PPFIA2: variants seen among roughly 807,000 people sequenced by gnomAD.
PPFIA2 encodes liprin-alpha-2.
Under a neutral mutation model 175.5 loss-of-function variants are expected in PPFIA2, and 46 were observed. The observed-to-expected ratio is 0.26, with a 90% CI of 0.21 to 0.34. The LOEUF (loss-of-function observed/expected upper bound fraction) is 0.34. Among genes scored for constraint, PPFIA2 ranks in the 10% least tolerant of loss-of-function variants. The pLI is 1.00. For missense variants in PPFIA2, 1,179 were observed against 1,506.1 expected (o/e 0.78, Z 3.60); for synonymous variants, 568 against 511.4 (o/e 1.11, Z -1.49).
At chr12:81,528,555 G>T (rs1254080964) in intron 4 of PPFIA2, among the ~76,000 whole-genome samples, 1 of 151,984 alleles carries the variant, frequency 6.6e-6, no homozygotes, top group Non-Finnish European at 1.5e-5. Flanking sequence ...GAGTACATGT[G>T]TTCATCCCTA....
chr12:81,657,545 C>G lies in PPFIA2; in HGVS notation c.303+19246G>C, dbSNP rs1000872893. Among the ~76,000 whole-genome samples, 5 of 152,212 alleles carry G rather than the reference C, an allele frequency of 3.3e-5. No individual in the cohort carries two copies. The South Asian group carries it at 6.2e-4, about 19-fold the overall frequency. On this transcript the variant is annotated intron_variant, in intron 4 of 32. Coordinates refer to ENST00000549396, the MANE Select transcript of PPFIA2 (RefSeq NM_003625.5). ...CAACCCTAATCTAACTGAGATTGAA[C>G]AGGCTATTAGGCTACACAGTCACAG...
chr12:81,635,119 G>C (rs1256496905), intron 4 of PPFIA2, among the ~76,000 whole-genome samples: 3 of 152,120 alleles, frequency 2.0e-5, no homozygotes, highest in Admixed American at 2.0e-4. Context: ...ATTTCAAATG[G>C]AAAATCTATT....
chr12:81,694,966 G>A (rs2075724654), intron 3 of PPFIA2, among the ~76,000 whole-genome samples: 1 of 152,300 alleles, frequency 6.6e-6, no homozygotes, highest in African/African-American at 2.4e-5. Flanking sequence ...ATAATTGCAT[G>A]AGGTCTACAG....
intron 3 of PPFIA2, among the ~76,000 whole-genome samples, chr12:81,683,729 C>T (rs879665785): frequency 2.0e-5 from 3 of 151,992 alleles, no homozygotes; most frequent in Admixed American, 2.0e-4. Flanking sequence ...TAGATGTCCT[C>T]ATCCATTTTG....
chr12:81,424,852 A>T (rs924932571), intron 7 of PPFIA2: 1 of 152,186 alleles, frequency 6.6e-6, no homozygotes, highest in African/African-American at 2.4e-5. Context: ...CCCTCAGCCC[A>T]CTTGTTCTGG....
At chr12:81,610,606 A>T (rs1251691352) in intron 4 of PPFIA2, among the ~76,000 whole-genome samples, 5 of 152,104 alleles carry the variant, frequency 3.3e-5, no homozygotes, top group Non-Finnish European at 7.4e-5. Flanking sequence ...TAAAATGGCT[A>T]TTTCATATTT....
At chr12:81,410,238 A>G (rs1462042453) in intron 7 of PPFIA2, among the ~76,000 whole-genome samples, 4 of 152,156 alleles carry the variant, frequency 2.6e-5, no homozygotes, top group Non-Finnish European at 1.5e-5. Flanking sequence ...TTGTCACAGC[A>G]GCACAAATGG....
At chr12:81,680,514 T>C (rs938872819) in intron 3 of PPFIA2, among the ~76,000 whole-genome samples, 2 of 151,960 alleles carry the variant, frequency 1.3e-5, no homozygotes, top group African/African-American at 2.4e-5. Context: ...CATATCTATG[T>C]TGGCGATGCA....
At chr12:81,357,193 T>A (rs1458383334) in intron 16 of PPFIA2, among the ~76,000 whole-genome samples, 3 of 152,196 alleles carry the variant, frequency 2.0e-5, no homozygotes, top group African/African-American at 7.2e-5. Flanking sequence ...AATTAATTTG[T>A]CACATAATAA....
intron 4 of PPFIA2, among the ~76,000 whole-genome samples, chr12:81,485,294 G>T (rs902322435): frequency 1.3e-5 from 2 of 151,160 alleles, no homozygotes; most frequent in African/African-American, 4.8e-5. Context: ...TTTTTGTACA[G>T]GTTATGTTTT....
chr12:81,602,235 G>T (rs1418322994), intron 4 of PPFIA2, among the ~76,000 whole-genome samples: 3 of 149,380 alleles, frequency 2.0e-5, no homozygotes, highest in East Asian at 3.9e-4. Context: ...ATATTAAAAT[G>T]CTGATAAACA....
intron 24 of PPFIA2, among the ~76,000 whole-genome samples, chr12:81,289,652 A>C (rs932230183): frequency 6.6e-6 from 1 of 151,862 alleles, no homozygotes; most frequent in Admixed American, 6.6e-5. Context: ...TCACTTTAAA[A>C]AGAAACACCA....
At chr12:81,500,666 G>T (rs1473655671) in intron 4 of PPFIA2, among the ~76,000 whole-genome samples, 1 of 152,100 alleles carries the variant, frequency 6.6e-6, no homozygotes. Flanking sequence ...TCAGATTTTT[G>T]TGTTATTTGG....
chr12:81,495,778 G>A (rs926365328), intron 4 of PPFIA2, among the ~76,000 whole-genome samples: 1 of 152,178 alleles, frequency 6.6e-6, no homozygotes, highest in African/African-American at 2.4e-5. Flanking sequence ...TTGTGCCACT[G>A]CACTTTAGCC....
At chr12:81,396,213 A>C (rs2041109018) in intron 8 of PPFIA2, among the ~76,000 whole-genome samples, 2 of 152,104 alleles carry the variant, frequency 1.3e-5, no homozygotes, top group African/African-American at 2.4e-5. Flanking sequence ...TTAAGTGTTC[A>C]TCATGTTCTA....
chr12:81,589,729 G>A (rs1013618872), intron 4 of PPFIA2, among the ~76,000 whole-genome samples: 3 of 152,032 alleles, frequency 2.0e-5, no homozygotes, highest in African/African-American at 7.2e-5. Context: ...CCCTCTTTGC[G>A]TTATTAAATG....
intron 3 of PPFIA2, among the ~76,000 whole-genome samples, chr12:81,700,878 T>C (rs1157874132): frequency 1.3e-5 from 2 of 152,108 alleles, no homozygotes; most frequent in Non-Finnish European, 2.9e-5. Context: ...TAAACTTTAC[T>C]AAGAATGCTC....
intron 3 of PPFIA2, among the ~76,000 whole-genome samples, chr12:81,693,982 A>G (rs2153591882): frequency 6.6e-6 from 1 of 152,196 alleles, no homozygotes; most frequent in African/African-American, 2.4e-5. Context: ...TAATTAACAA[A>G]GTGTTCAAGA....
chr12:81,449,557 A>G (rs2052031968), intron 5 of PPFIA2, among the ~76,000 whole-genome samples: 1 of 151,670 alleles, frequency 6.6e-6, no homozygotes. Context: ...GGGTGCTCCC[A>G]GGGACCCCGG....
Sources: gnomAD v4.1 joint callset for allele counts (sites outside exome capture counted in the v4.1 genomes callset) on GRCh38, gnomAD v4.1.1 for gene constraint, MANE v1.5 for transcripts, NCBI Gene and HGNC (gene_info 2026-07-23, HGNC 2026-07-21) for gene names.